Variants in CHL1 observed in about 807,000 individuals in gnomAD.
The protein encoded by CHL1 is neural cell adhesion molecule L1-like protein.
CHL1 carries 96 observed loss-of-function variants against 141.9 expected under a neutral mutation model. That is an observed-to-expected ratio of 0.68 (90% CI 0.57 to 0.80). The LOEUF (loss-of-function observed/expected upper bound fraction) is 0.80. Among genes scored for constraint, CHL1 ranks in the 30% least tolerant of loss-of-function variants. CHL1 has a pLI of 0.00. For synonymous variants in CHL1, 613 were observed against 502.2 expected, an observed-to-expected ratio of 1.22 and a Z score of -2.95; for missense variants, 1,820 against 1,457.2, an observed-to-expected ratio of 1.25 and a Z score of -4.05.
intron 1 of CHL1, among the ~76,000 whole-genome samples, chr3:215,485 T>C (rs1700239826): frequency 6.6e-6 from 1 of 152,196 alleles, no homozygotes; most frequent in South Asian, 2.1e-4. Context: ...TGGTGTTCTA[T>C]AGCATAGTTG....
At chr3:314,327 G>GTATATATATATATATATA (rs1410311860) in intron 2 of CHL1, among the ~76,000 whole-genome samples, 1 of 57,024 alleles carries the variant, frequency 1.8e-5, no homozygotes, top group African/African-American at 5.3e-5. Context: ...CTCTCTCTAT[G>GTATATATATATATATATA]TGTATATATA....
chr3:377,030 T>A (rs1706411938), intron 15 of CHL1, among the ~76,000 whole-genome samples: 1 of 152,244 alleles, frequency 6.6e-6, no homozygotes, highest in South Asian at 2.1e-4. Context: ...CTCACAAGGA[T>A]GACACTATTT....
intron 1 of CHL1, among the ~76,000 whole-genome samples, chr3:214,240 C>G (rs1383224608): frequency 1.3e-5 from 2 of 152,170 alleles, no homozygotes; most frequent in Non-Finnish European, 2.9e-5. Flanking sequence ...TTCTTCTCTA[C>G]GTTTCAGAGT....
At chr3:303,898 C>T (rs1460582983) in intron 2 of CHL1, among the ~76,000 whole-genome samples, 5 of 152,046 alleles carry the variant, frequency 3.3e-5, no homozygotes, top group Non-Finnish European at 5.9e-5. Flanking sequence ...AGATGTGTTC[C>T]ATTGATACCT....
intron 2 of CHL1, among the ~76,000 whole-genome samples, chr3:270,239 A>T (rs1279034011): frequency 6.6e-6 from 1 of 152,012 alleles, no homozygotes; most frequent in Non-Finnish European, 1.5e-5. Flanking sequence ...TTTGGCAAAA[A>T]ATAGTGTGGA....
At chr3:377,732 T>C in intron 15 of CHL1, 86 bp from the exon 16 acceptor site, 3 of 1,176,830 alleles carry the variant, frequency 2.5e-6, no homozygotes, top group Non-Finnish European at 3.6e-6. Flanking sequence ...TTGTTTTCGA[T>C]AAGGAATATG....
intron 1 of CHL1, among the ~76,000 whole-genome samples, chr3:206,929 T>C (rs762977991): frequency 6.6e-6 from 1 of 152,266 alleles, no homozygotes; most frequent in Non-Finnish European, 1.5e-5. Flanking sequence ...AAGGTGTGAG[T>C]ATCTGCTATT....
At chr3:329,639 C>T (rs1239556217) in intron 5 of CHL1, among the ~76,000 whole-genome samples, 1 of 151,210 alleles carries the variant, frequency 6.6e-6, no homozygotes, top group Admixed American at 6.6e-5. Flanking sequence ...TCAAATATAT[C>T]ACAAATGAAA....
intron 15 of CHL1, among the ~76,000 whole-genome samples, chr3:376,796 A>C (rs1306153859): frequency 1.3e-5 from 2 of 152,204 alleles, no homozygotes; most frequent in Non-Finnish European, 2.9e-5. Context: ...TCAAAGTTTT[A>C]TTATGTCTAG....
chr3:230,478 C>T (rs1269123701), intron 1 of CHL1, among the ~76,000 whole-genome samples: 1 of 151,864 alleles, frequency 6.6e-6, no homozygotes, highest in Admixed American at 6.6e-5. Context: ...CTTTTTTAAA[C>T]ATCTACCTTC....
intron 5 of CHL1, among the ~76,000 whole-genome samples, chr3:338,664 G>A (rs115682146): frequency 0.011 from 1,716 of 152,184 alleles, 34 homozygotes; most frequent in African/African-American, 0.039. Flanking sequence ...ATAAGTATGC[G>A]TCCCTGTTTT....
intron 2 of CHL1, among the ~76,000 whole-genome samples, chr3:294,097 T>G (rs774517327): frequency 2.6e-5 from 4 of 152,024 alleles, no homozygotes; most frequent in Non-Finnish European, 4.4e-5. Flanking sequence ...GGCAGGCAGA[T>G]CGGTTGAGCC....
At chr3:309,524 C>T (rs184351677) in intron 2 of CHL1, among the ~76,000 whole-genome samples, 2 of 145,896 alleles carry the variant, frequency 1.4e-5, no homozygotes, top group Admixed American at 7.0e-5. Flanking sequence ...TCCTTCTTTC[C>T]TTCCTTCCTT....
chr3:359,934 G>A (rs148616784), intron 11 of CHL1, among the ~76,000 whole-genome samples: 33 of 152,290 alleles, frequency 2.2e-4, no homozygotes, highest in African/African-American at 7.0e-4. Flanking sequence ...GGCAGCATCA[G>A]TGTCTAAATT....
chr3:250,648 C>CT (rs1228501051), intron 2 of CHL1, among the ~76,000 whole-genome samples: 3 of 152,090 alleles, frequency 2.0e-5, no homozygotes, highest in Admixed American at 2.0e-4. Context: ...GTGTTTGCTG[C>CT]TTGCTGACTG....
At chr3:316,400 C>T (rs1305339208) in intron 2 of CHL1, among the ~76,000 whole-genome samples, 1 of 150,240 alleles carries the variant, frequency 6.7e-6, no homozygotes, top group Non-Finnish European at 1.5e-5. Context: ...GTTATTGTGG[C>T]TTTTGATGGC....
At chr3:236,649 T>G (rs559168221) in intron 1 of CHL1, among the ~76,000 whole-genome samples, 22 of 152,314 alleles carry the variant, frequency 1.4e-4, no homozygotes, top group African/African-American at 5.0e-4. Context: ...TCTTCCAAGT[T>G]GTAACAGGCC....
At chr3:226,341 T>C (rs932364476) in intron 1 of CHL1, among the ~76,000 whole-genome samples, 1 of 145,226 alleles carries the variant, frequency 6.9e-6, no homozygotes, top group African/African-American at 2.5e-5. Context: ...CTGAAAATTC[T>C]GTATTCTATT....
At chr3:339,705 C>G (rs1437298754) in intron 5 of CHL1, among the ~76,000 whole-genome samples, 5 of 152,168 alleles carry the variant, frequency 3.3e-5, no homozygotes, top group Admixed American at 3.3e-4. Context: ...CCCTCAACCT[C>G]TAAAGGCATG....
Sources: gnomAD v4.1 joint callset for allele counts (sites outside exome capture counted in the v4.1 genomes callset) on GRCh38, gnomAD v4.1.1 for gene constraint, MANE v1.5 for transcripts, NCBI Gene and HGNC (gene_info 2026-07-23, HGNC 2026-07-21) for gene names.